KCNK1: variants seen among roughly 807,000 people sequenced by gnomAD.
KCNK1 encodes potassium channel subfamily K member 1.
A neutral mutation model predicts 22.2 loss-of-function variants in KCNK1; 10 were observed. The ratio of observed to expected loss-of-function variants is 0.45; its 90% CI spans 0.28 to 0.76. The LOEUF is 0.76. Among genes scored for constraint, KCNK1 ranks in the 30% least tolerant of loss-of-function variants. The pLI, the probability that KCNK1 is intolerant of heterozygous loss-of-function variation, is 0.14. For synonymous variants in KCNK1, 200 were observed against 186.4 expected, an observed-to-expected ratio of 1.07 and a Z score of -0.60; for missense variants, 378 against 421.0, an observed-to-expected ratio of 0.90 and a Z score of 0.89.
At chr1:233,646,941 G>A (rs548051213) in intron 1 of KCNK1, among the ~76,000 whole-genome samples, 4 of 152,264 alleles carry the variant, frequency 2.6e-5, no homozygotes, top group African/African-American at 9.6e-5. Flanking sequence ...GAGGGGAAGC[G>A]AGTGCATTTT....
At chr1:233,658,807 A>G (rs965971463) in intron 1 of KCNK1, among the ~76,000 whole-genome samples, 1 of 152,172 alleles carries the variant, frequency 6.6e-6, no homozygotes, top group Admixed American at 6.5e-5. Flanking sequence ...AGTATAAAAG[A>G]TTTTTTAAAA....
intron 1 of KCNK1, among the ~76,000 whole-genome samples, chr1:233,647,990 A>T (rs1253792805): frequency 6.6e-6 from 1 of 152,212 alleles, no homozygotes; most frequent in East Asian, 1.9e-4. Flanking sequence ...AATTGCTTAT[A>T]GCCTGGGAGT....
At chr1:233,634,293 T>G (rs918649969) in intron 1 of KCNK1, among the ~76,000 whole-genome samples, 27 of 146,734 alleles carry the variant, frequency 1.8e-4, no homozygotes, top group Non-Finnish European at 3.4e-4. Context: ...GTAACAGAGC[T>G]ACTCTGTCTC....
intron 1 of KCNK1, chr1:233,655,813 A>G (rs1268494266): frequency 6.6e-6 from 1 of 150,384 alleles, no homozygotes; most frequent in African/African-American, 2.4e-5. Context: ...TGAGAAATAC[A>G]TTTCTGTTGT....
chr1:233,643,265 A>G (rs893735492), intron 1 of KCNK1, among the ~76,000 whole-genome samples: 1 of 151,872 alleles, frequency 6.6e-6, no homozygotes, highest in African/African-American at 2.4e-5. Context: ...AGAAGTGGGG[A>G]CTTAAAGAGT....
At chr1:233,629,222 G>T (rs1657747039) in intron 1 of KCNK1, among the ~76,000 whole-genome samples, 1 of 152,102 alleles carries the variant, frequency 6.6e-6, no homozygotes, top group South Asian at 2.1e-4. Flanking sequence ...CTGTTGAATT[G>T]TATGGGACCC....
Position 233,671,871 on chromosome 1 carries a change from C to A in KCNK1, c.*341C>A. On this transcript the variant is annotated 3_prime_UTR_variant, in exon 3 of 3. Transcript: ENST00000366621. ...TTTTAACTGGAAACTTTGGGGTTTG[C>A]ATTTAGATCATTTAGCTGATGGCTA... is the stretch of plus-strand genomic sequence containing the variant. 1 of 207,714 alleles carries A rather than the reference C, an allele frequency of 4.8e-6. No homozygotes were observed. Among genetic ancestry groups the A allele is most frequent in the Non-Finnish European group, 9.6e-6 (1 of 103,688 alleles). 12.9% of individuals were successfully genotyped at this position (207,714 alleles called of 1,614,324 possible). A position where few individuals can be genotyped will look rare whatever the true frequency, so the allele number is the denominator to read the frequency against.
At chr1:233,663,717 A>G (rs746225844) in intron 1 of KCNK1, among the ~76,000 whole-genome samples, 11 of 152,222 alleles carry the variant, frequency 7.2e-5, no homozygotes, top group Admixed American at 3.3e-4. Context: ...AGCTAAATTC[A>G]TCTCTTGCAG....
chr1:233,639,739 C>T (rs1428225318), intron 1 of KCNK1, among the ~76,000 whole-genome samples: 3 of 152,168 alleles, frequency 2.0e-5, no homozygotes, highest in East Asian at 1.9e-4. Context: ...ATCTCGTGAA[C>T]GTGGCATTGT....
chr1:233,618,340 A>C (rs1273074834), intron 1 of KCNK1, among the ~76,000 whole-genome samples: 1 of 151,446 alleles, frequency 6.6e-6, no homozygotes, highest in Non-Finnish European at 1.5e-5. Context: ...AAAAAAAAGG[A>C]GGTATTATAG....
intron 1 of KCNK1, among the ~76,000 whole-genome samples, chr1:233,655,522 T>C (rs764481009): frequency 1.3e-5 from 2 of 152,184 alleles, no homozygotes; most frequent in Non-Finnish European, 2.9e-5. Context: ...TAGAATGTTA[T>C]GGTCTGAGTG....
chr1:233,619,716 C>T (rs1485794560), intron 1 of KCNK1, among the ~76,000 whole-genome samples: 1 of 151,962 alleles, frequency 6.6e-6, no homozygotes, highest in East Asian at 1.9e-4. Flanking sequence ...TCAAGACCAG[C>T]CTGGCCAACA....
chr1:233,637,290 G>A (rs907832144), intron 1 of KCNK1: 1 of 151,570 alleles, frequency 6.6e-6, no homozygotes, highest in Non-Finnish European at 1.5e-5. Flanking sequence ...TTGAGCAGGT[G>A]AATGGGGCTA....
chr1:233,641,955 G>C (rs1206285845), intron 1 of KCNK1, among the ~76,000 whole-genome samples: 1 of 152,174 alleles, frequency 6.6e-6, no homozygotes, highest in Non-Finnish European at 1.5e-5. Flanking sequence ...AAAATTTGTT[G>C]ATATCAGTTC....
chr1:233,641,772 A>G (rs1452188075), intron 1 of KCNK1, among the ~76,000 whole-genome samples: 1 of 152,256 alleles, frequency 6.6e-6, no homozygotes, highest in Non-Finnish European at 1.5e-5. Flanking sequence ...TGCATGTCCC[A>G]TGAGAGAAAC....
At chr1:233,663,298 A>G (rs550744718) in intron 1 of KCNK1, among the ~76,000 whole-genome samples, 1 of 152,318 alleles carries the variant, frequency 6.6e-6, no homozygotes, top group South Asian at 2.1e-4. Context: ...TAGTGGGAAT[A>G]TATAATATTT....
At chr1:233,641,733 AAAAC>A (rs1658003282) in intron 1 of KCNK1, among the ~76,000 whole-genome samples, 2 of 152,220 alleles carry the variant, frequency 1.3e-5, no homozygotes, top group South Asian at 2.1e-4. Flanking sequence ...TAACAAGAGA[AAAAC>A]AAGCAAGTTT....
chr1:233,633,087 G>A (rs183911862), intron 1 of KCNK1, among the ~76,000 whole-genome samples: 2 of 151,738 alleles, frequency 1.3e-5, no homozygotes, highest in African/African-American at 4.8e-5. Context: ...TGATAACTGT[G>A]TTGATTTTTA....
chr1:233,651,590 A>G (rs1276143645), intron 1 of KCNK1, among the ~76,000 whole-genome samples: 1 of 152,216 alleles, frequency 6.6e-6, no homozygotes. Flanking sequence ...AAAAAGAAAG[A>G]AAAAGGGGCA....
Sources: allele counts gnomAD v4.1 joint callset (sites outside exome capture counted in the v4.1 genomes callset), GRCh38; gene constraint gnomAD v4.1.1; transcripts MANE v1.5; gene names NCBI Gene and HGNC (gene_info 2026-07-23, HGNC 2026-07-21).